The following BAZ1B variants were observed in gnomAD, a reference collection of about 807,000 sequenced individuals.
BAZ1B encodes the protein tyrosine-protein kinase BAZ1B.
Under a neutral mutation model 153.8 loss-of-function variants are expected in BAZ1B, and 22 were observed. That is an observed-to-expected ratio of 0.14 (90% CI 0.10 to 0.20). BAZ1B has a LOEUF of 0.20. Among genes scored for constraint, BAZ1B ranks in the 10% least tolerant of loss-of-function variants. The pLI is 1.00. For missense variants in BAZ1B, 1,325 were observed against 1,799.3 expected, an observed-to-expected ratio of 0.74 and a Z score of 4.77; for synonymous variants, 676 against 633.4, an observed-to-expected ratio of 1.07 and a Z score of -1.01.
chr7:73,482,681 G>T (rs1563384055), intron 6 of BAZ1B, among the ~76,000 whole-genome samples: 2 of 152,106 alleles, frequency 1.3e-5, no homozygotes, highest in Admixed American at 1.3e-4. Context: ...CTTCCACTTA[G>T]AAGCATAGTA....
At position 73,521,836 on chromosome 7, in the gene BAZ1B, C is replaced by A; in HGVS notation, c.98G>T (p.Arg33Leu). ...FTIPHTQEAF[R>L]TREEYEARLE... ...GGCTGGAAAAGGATACTCCCGGGTGCGGAAGGCCTCCTGAGTGTGCGGGAT... is the reference window on the plus strand; with the variant it reads ...GGCTGGAAAAGGATACTCCCGGGTGAGGAAGGCCTCCTGAGTGTGCGGGAT... The change falls in exon 1 of 20, where the codon CGC (arginine) becomes CTC (leucine). Residue 33 changes from arginine to leucine, a missense_variant. Arg to Leu is a moderately radical substitution (Grantham distance 102). This residue lies in a region of BAZ1B where 61 missense variants were observed against 61.5 expected (regional missense o/e 0.99). Coordinates refer to ENST00000339594, the MANE Select transcript of BAZ1B (RefSeq NM_032408.4). 6.7e-7 allele frequency: 1 copy of A among 1,499,084 alleles called. No individual in the cohort carries two copies. Among genetic ancestry groups the A allele is most frequent in the Non-Finnish European group, 8.9e-7 (1 of 1,119,338 alleles). The allele number at this position is 1,499,084 out of a possible 1,614,324, so 92.9% of individuals were successfully genotyped here.
In BAZ1B at chr7:73,492,863, C is replaced by T. The variant is rs1554575749; in HGVS notation, c.630G>A (p.Arg210=). 35 of 1,610,380 alleles carry T rather than the reference C, an allele frequency of 2.2e-5. No homozygotes were observed. The highest frequency in any genetic ancestry group is 2.9e-5 in the Non-Finnish European group (34 of 1,178,756). ...KLPTSLKKGE[R]KWAPPKFLPH... is the part of the protein sequence containing the mutation. ...GCAGAAATTTTGGAGGAGCCCATTT[C>T]CTTTCTCCTTTTTTTAATGAAGTAG... is the stretch of plus-strand genomic sequence containing the variant. Residue 210 remains arginine (R), a synonymous_variant, in exon 5 of 20, where the codon AGG becomes AGA. Transcript: ENST00000339594.
intron 13 of BAZ1B, among the ~76,000 whole-genome samples, chr7:73,458,159 C>T (rs1457936508): frequency 6.6e-6 from 1 of 152,124 alleles, no homozygotes; most frequent in African/African-American, 2.4e-5. Context: ...GGACAGAGCA[C>T]TTTAACTTGC....
chr7:73,515,531 C>CTTTTTT (rs869065388), intron 1 of BAZ1B, among the ~76,000 whole-genome samples: 5 of 111,420 alleles, frequency 4.5e-5, no homozygotes, highest in Non-Finnish European at 7.2e-5. Context: ...AGCCTTGTTC[C>CTTTTTT]TTTTTTTTTT....
chr7:73,450,947 C>G lies in BAZ1B; in HGVS notation c.3480G>C (p.Gln1160His), dbSNP rs782502569. 6.2e-7 allele frequency: 1 copy of G among 1,614,062 alleles called. No homozygotes were observed. The highest frequency in any genetic ancestry group is 8.5e-7 in the Non-Finnish European group (1 of 1,180,054). ...GCAGCACGTGCATCCTGGAGAAAGT[C>G]TGAGCTTCCCGGATTGCTGTCTTCC... Reference protein sequence around the residue: ...EKWKTAIREAQTFSRMHVLLG... With the variant: ...EKWKTAIREAHTFSRMHVLLG... The change falls in exon 14 of 20, where the codon CAG (glutamine) becomes CAC (histidine). Residue 1160 changes from glutamine to histidine, a missense_variant. Gln to His is a conservative substitution (Grantham distance 24). Around this residue, in one of 9 missense-constraint regions of BAZ1B, gnomAD observed 431 missense variants for 563.5 expected, o/e 0.76. Transcript: ENST00000339594. The surrounding 1 kb of genome is among the most constrained non-coding windows in gnomAD (Gnocchi z 4.1).
chr7:73,469,476 G>T, intron 9 of BAZ1B, 41 bp downstream of exon 9: 1 of 1,608,908 alleles, frequency 6.2e-7, no homozygotes. Context: ...GAGCCCACTT[G>T]AGCAGGGTGA....
intron 3 of BAZ1B, among the ~76,000 whole-genome samples, chr7:73,501,486 G>A (rs782723201): frequency 5.9e-5 from 9 of 151,902 alleles, no homozygotes; most frequent in South Asian, 2.1e-4. Context: ...TTCTTTCCCC[G>A]AGACATATGG....
intron 1 of BAZ1B, among the ~76,000 whole-genome samples, chr7:73,520,804 G>T (rs916069086): frequency 6.6e-6 from 1 of 152,192 alleles, no homozygotes; most frequent in African/African-American, 2.4e-5. Context: ...ACTGAGAAAT[G>T]AAGTCCTTCC....
chr7:73,463,771 G>C (rs560893093), intron 11 of BAZ1B, among the ~76,000 whole-genome samples: 1 of 151,780 alleles, frequency 6.6e-6, no homozygotes, highest in Non-Finnish European at 1.5e-5. Context: ...GCAGTGGTGC[G>C]ATCTTGGCTC....
chr7:73,470,588 C>T, intron 7 of BAZ1B, 105 bp from the exon 8 acceptor site: 1 of 1,328,588 alleles, frequency 7.5e-7, no homozygotes. Context: ...CAGTAGTTAT[C>T]AAATCTTAGT....
At chr7:73,458,658 A>T (rs1213818763) in intron 13 of BAZ1B, among the ~76,000 whole-genome samples, 1 of 134,758 alleles carries the variant, frequency 7.4e-6, no homozygotes, top group African/African-American at 2.9e-5. Context: ...CCTAGGCAAG[A>T]GTGGGACTCT....
chr7:73,464,789 G>A (rs1227797325), intron 11 of BAZ1B, among the ~76,000 whole-genome samples: 2 of 152,168 alleles, frequency 1.3e-5, no homozygotes, highest in African/African-American at 4.8e-5. Context: ...GCAGGGGCAT[G>A]ATCTTGGCTC....
At chr7:73,479,940 C>A (rs773762632) in intron 6 of BAZ1B, among the ~76,000 whole-genome samples, 30 of 152,022 alleles carry the variant, frequency 2.0e-4, no homozygotes, top group Non-Finnish European at 4.0e-4. Context: ...GAGGCCAAGG[C>A]GGGCTGATCA....
intron 6 of BAZ1B, among the ~76,000 whole-genome samples, chr7:73,488,846 C>T (rs185854763): frequency 3.9e-5 from 6 of 152,080 alleles, no homozygotes; most frequent in Non-Finnish European, 8.8e-5. Flanking sequence ...TCATCTTGTC[C>T]GACATGCAAA....
intron 12 of BAZ1B, among the ~76,000 whole-genome samples, chr7:73,462,049 G>A (rs1458910752): frequency 2.6e-5 from 4 of 152,168 alleles, no homozygotes; most frequent in African/African-American, 4.8e-5. Flanking sequence ...TTATAGGCGT[G>A]AGCCAACATG....
intron 1 of BAZ1B, among the ~76,000 whole-genome samples, chr7:73,520,822 A>C (rs1791005441): frequency 6.6e-6 from 1 of 152,228 alleles, no homozygotes; most frequent in South Asian, 2.1e-4. Flanking sequence ...TCCGAACAGA[A>C]GGGGCTGAGA....
At chr7:73,444,582 A>G (rs1787754740) in intron 16 of BAZ1B, among the ~76,000 whole-genome samples, 1 of 152,218 alleles carries the variant, frequency 6.6e-6, no homozygotes, top group Admixed American at 6.5e-5. Flanking sequence ...TGTAATTCCC[A>G]GAGTTATTCT....
chr7:73,504,287 G>A (rs782704812), intron 3 of BAZ1B, among the ~76,000 whole-genome samples: 25 of 152,176 alleles, frequency 1.6e-4, no homozygotes, highest in Non-Finnish European at 2.9e-4. Flanking sequence ...GCCAGGCCAA[G>A]GTGGGAGGAT....
chr7:73,471,105 T>C (rs1482884012), intron 7 of BAZ1B, among the ~76,000 whole-genome samples: 1 of 152,204 alleles, frequency 6.6e-6, no homozygotes, highest in African/African-American at 2.4e-5. Flanking sequence ...TAGGACTAAC[T>C]GAAACATCTT....
Sources: allele counts gnomAD v4.1 joint callset (sites outside exome capture counted in the v4.1 genomes callset), GRCh38; gene constraint gnomAD v4.1.1; regional missense constraint gnomAD v4.1.1; non-coding constraint Gnocchi (gnomAD v3.1); transcripts MANE v1.5; gene names NCBI Gene and HGNC (gene_info 2026-07-23, HGNC 2026-07-21).